The following ERCC6L2 variants were observed in gnomAD, a reference collection of about 807,000 sequenced individuals.
The protein encoded by ERCC6L2 is ERCC excision repair 6 like 2.
ERCC6L2 carries 77 observed loss-of-function variants against 132.0 expected under a neutral mutation model. That is an observed-to-expected ratio of 0.58 (90% CI 0.49 to 0.71). The LOEUF is 0.71. Ranked by LOEUF, ERCC6L2 falls within the 30% of genes least tolerant of loss-of-function variation. The probability of loss-of-function intolerance (pLI) is 0.00; values close to 1 mark genes in which losing one functional copy is unlikely to be tolerated. For synonymous variants in ERCC6L2, 583 were observed against 632.4 expected, an observed-to-expected ratio of 0.92 and a Z score of 1.17; for missense variants, 1,542 against 1,837.6, an observed-to-expected ratio of 0.84 and a Z score of 2.94.
intron 2 of ERCC6L2, among the ~76,000 whole-genome samples, chr9:95,888,870 A>T (rs1328989365): frequency 6.6e-6 from 1 of 152,186 alleles, no homozygotes. Flanking sequence ...TGCTAGCATT[A>T]CCACAATACC....
chr9:95,965,593 T>G (rs1444414479), intron 13 of ERCC6L2, among the ~76,000 whole-genome samples: 1 of 151,990 alleles, frequency 6.6e-6, no homozygotes, highest in Non-Finnish European at 1.5e-5. Context: ...GCTTGCAGAT[T>G]CCACTAGGTT....
chr9:95,999,121 G>A (rs550986482), intron 17 of ERCC6L2, among the ~76,000 whole-genome samples: 77 of 152,300 alleles, frequency 5.1e-4, no homozygotes, highest in African/African-American at 1.8e-3. Flanking sequence ...AGCACTTTGG[G>A]AGGTCGAGGC....
chr9:96,021,880 G>C (rs1834297623), downstream of ERCC6L2: 1 of 152,532 alleles, frequency 6.6e-6, no homozygotes, highest in Non-Finnish European at 1.5e-5. The surrounding 1 kb of genome is among the most constrained non-coding windows in gnomAD (Gnocchi z 4.7). Context: ...GGCGCCTAGG[G>C]GGTTCCGAGC....
At chr9:95,964,636 A>G (rs1018673521) in intron 13 of ERCC6L2, among the ~76,000 whole-genome samples, 9 of 152,132 alleles carry the variant, frequency 5.9e-5, no homozygotes, top group Non-Finnish European at 7.4e-5. Context: ...AACATCATAA[A>G]TGTTCTTTTC....
chr9:95,910,164 G>T (rs1249092637), intron 4 of ERCC6L2, among the ~76,000 whole-genome samples: 2 of 152,142 alleles, frequency 1.3e-5, no homozygotes, highest in African/African-American at 2.4e-5. Flanking sequence ...TCTGAGAGAG[G>T]AGAGTTGAAA....
intron 12 of ERCC6L2, among the ~76,000 whole-genome samples, chr9:95,949,732 T>C (rs1396086321): frequency 6.6e-6 from 1 of 152,136 alleles, no homozygotes. Context: ...ATCCTATCCC[T>C]GGTGCAGTGG....
intron 12 of ERCC6L2, among the ~76,000 whole-genome samples, chr9:95,950,288 T>C (rs182622745): frequency 1.1e-3 from 162 of 152,312 alleles, no homozygotes; most frequent in Non-Finnish European, 2.8e-4. Context: ...GTTATAACTT[T>C]AGGATATTAT....
chr9:95,945,009 T>C (rs546946358), intron 12 of ERCC6L2, among the ~76,000 whole-genome samples: 1 of 152,266 alleles, frequency 6.6e-6, no homozygotes, highest in South Asian at 2.1e-4. Context: ...ATTCATAACA[T>C]CTTATCAGGA....
chr9:95,936,529 A>G (rs969425786), intron 11 of ERCC6L2, among the ~76,000 whole-genome samples: 8 of 152,184 alleles, frequency 5.3e-5, no homozygotes, highest in Non-Finnish European at 8.8e-5. Flanking sequence ...TGTTAAGGCC[A>G]TATGGATGTT....
At chr9:95,952,963 A>G (rs150723484) in intron 12 of ERCC6L2, among the ~76,000 whole-genome samples, 40 of 152,322 alleles carry the variant, frequency 2.6e-4, no homozygotes, top group African/African-American at 9.4e-4. Flanking sequence ...CGAAGAATGG[A>G]TACCTGTTTT....
intron 19 of ERCC6L2, among the ~76,000 whole-genome samples, chr9:96,030,821 C>A (rs1355983485): frequency 6.6e-6 from 1 of 152,096 alleles, no homozygotes; most frequent in South Asian, 2.1e-4. Context: ...GCCCACAGGA[C>A]AGCCCAGGGC....
intron 20 of ERCC6L2, among the ~76,000 whole-genome samples, chr9:96,040,960 C>T (rs1219027491): frequency 6.6e-6 from 1 of 152,198 alleles, no homozygotes; most frequent in Non-Finnish European, 1.5e-5. Context: ...GCCCCCTCTG[C>T]AGAGCTGGAT....
chr9:95,875,883 C>T lies in ERCC6L2; in HGVS notation c.-156C>T, dbSNP rs1360676694. The stretch of plus-strand genomic sequence containing the variant: ...TCGCTACCTTTGCTGGGATCCCCCT[C>T]CTCCATCCTGTGGCTTCGGGTTGCC... On this transcript the variant is annotated 5_prime_UTR_variant, in exon 1 of 19. Coordinates refer to ENST00000653738, the MANE Select transcript of ERCC6L2 (RefSeq NM_020207.7). 2 of 728,576 alleles carry T rather than the reference C, an allele frequency of 2.7e-6. No individual in the cohort carries two copies. The highest frequency in any genetic ancestry group is 4.6e-6 in the Non-Finnish European group (2 of 434,400). The allele number at this position is 728,576 out of a possible 1,614,324, so 45.1% of individuals were successfully genotyped here.
chr9:95,885,008 T>G (rs1347166686), intron 2 of ERCC6L2, among the ~76,000 whole-genome samples: 1 of 152,232 alleles, frequency 6.6e-6, no homozygotes, highest in East Asian at 1.9e-4. Flanking sequence ...TACATAATGA[T>G]ATGCCCACAT....
intron 11 of ERCC6L2, among the ~76,000 whole-genome samples, chr9:95,930,245 TG>T (rs1017809016): frequency 6.6e-6 from 1 of 152,122 alleles, no homozygotes; most frequent in Non-Finnish European, 1.5e-5. Context: ...TGTGTGGTTT[TG>T]CTTTGGCTTC....
chr9:96,037,124 G>A (rs1028399483), intron 19 of ERCC6L2, among the ~76,000 whole-genome samples: 15 of 152,148 alleles, frequency 9.9e-5, no homozygotes, highest in Non-Finnish European at 2.1e-4. Context: ...AATTTCTGTA[G>A]TAGTTTAAAA....
intron 11 of ERCC6L2, among the ~76,000 whole-genome samples, chr9:95,934,815 A>G (rs1055896507): frequency 6.6e-6 from 1 of 152,212 alleles, no homozygotes; most frequent in African/African-American, 2.4e-5. Context: ...ACCAGGAATC[A>G]TGAGCTTTGA....
downstream of ERCC6L2, chr9:96,020,499 A>C (rs1668064966): frequency 3.1e-6 from 1 of 327,000 alleles, no homozygotes; most frequent in East Asian, 8.6e-5. Flanking sequence ...GAGCCCAGGT[A>C]GGGGCGCCGC....
At chr9:95,891,934 G>T (rs941437187) in intron 2 of ERCC6L2, among the ~76,000 whole-genome samples, 1 of 151,644 alleles carries the variant, frequency 6.6e-6, no homozygotes, top group Non-Finnish European at 1.5e-5. Flanking sequence ...TATGTATTTT[G>T]GATACTAATC....
Sources: allele counts gnomAD v4.1 joint callset (sites outside exome capture counted in the v4.1 genomes callset), GRCh38; gene constraint gnomAD v4.1.1; non-coding constraint Gnocchi (gnomAD v3.1); transcripts MANE v1.5; gene names NCBI Gene and HGNC (gene_info 2026-07-23, HGNC 2026-07-21).